Variants in DAB1 observed in about 807,000 individuals in gnomAD.
The protein encoded by DAB1 is DAB adaptor protein 1, also known as disabled homolog 1.
DAB1 carries 15 observed loss-of-function variants against 64.6 expected under a neutral mutation model. The ratio of observed to expected loss-of-function variants is 0.23; its 90% CI spans 0.16 to 0.36. DAB1 has a LOEUF of 0.36. DAB1 is among the 10% of genes least tolerant of loss of function. The pLI is 1.00. For missense variants in DAB1, 596 were observed against 706.7 expected, an observed-to-expected ratio of 0.84 and a Z score of 1.78; for synonymous variants, 235 against 251.9, an observed-to-expected ratio of 0.93 and a Z score of 0.64.
At position 57,035,708 on chromosome 1, in the gene DAB1, T is replaced by A. The variant is rs981305305; in HGVS notation, c.724-9665A>T. ...GGTAATGACATCATGGCAAGTTTAT[T>A]GAGCAGTTTAATTGAGATGTGTGTG... On this transcript the variant is annotated intron_variant, in intron 9 of 14. Transcript: ENST00000371236. 5.9e-5 allele frequency among the ~76,000 whole-genome samples: 9 copies of A among 152,146 alleles called. 1 individual carries two copies. The highest frequency in any genetic ancestry group is 5.9e-4 in the Admixed American group (9 of 15,272).
At chr1:57,350,184 A>G (rs904856248) in intron 1 of DAB1, among the ~76,000 whole-genome samples, 4 of 152,202 alleles carry the variant, frequency 2.6e-5, no homozygotes, top group Non-Finnish European at 5.9e-5. Context: ...AAGTCATTTC[A>G]TCTTCAAGTG....
intron 6 of DAB1, among the ~76,000 whole-genome samples, chr1:57,793,373 C>A (rs943442865): frequency 2.6e-5 from 4 of 152,136 alleles, no homozygotes; most frequent in African/African-American, 9.7e-5. Flanking sequence ...CATTGTGTTT[C>A]TCAGAGGAAG....
chr1:57,102,073 C>A (rs534878964), intron 4 of DAB1, among the ~76,000 whole-genome samples: 6 of 152,132 alleles, frequency 3.9e-5, no homozygotes, highest in Admixed American at 3.9e-4. Context: ...TGCAATCTAG[C>A]GAGGCAACAG....
intron 7 of DAB1, among the ~76,000 whole-genome samples, chr1:57,475,661 T>C (rs1393292230): frequency 6.6e-6 from 1 of 152,190 alleles, no homozygotes; most frequent in African/African-American, 2.4e-5. Flanking sequence ...TTATGGGTCC[T>C]TAGTGGCAGA....
At chr1:56,999,328 C>G (rs952102710) in intron 14 of DAB1, among the ~76,000 whole-genome samples, 1 of 152,156 alleles carries the variant, frequency 6.6e-6, no homozygotes, top group Non-Finnish European at 1.5e-5. Context: ...GCTAGTAAGT[C>G]TAGAGACATG....
intron 4 of DAB1, among the ~76,000 whole-genome samples, chr1:57,097,190 T>A (rs1209671208): frequency 6.6e-6 from 1 of 152,190 alleles, no homozygotes; most frequent in Non-Finnish European, 1.5e-5. Flanking sequence ...GTTGCAGAAA[T>A]TAAAATTTAT....
chr1:58,382,010 G>C (rs571211327), intron 3 of DAB1, among the ~76,000 whole-genome samples: 2 of 152,294 alleles, frequency 1.3e-5, no homozygotes, highest in South Asian at 4.1e-4. Flanking sequence ...CTAAAGAAAG[G>C]TCTAATAACT....
At chr1:57,856,991 T>C (rs1653785056) in intron 1 of DAB1, among the ~76,000 whole-genome samples, 1 of 152,116 alleles carries the variant, frequency 6.6e-6, no homozygotes, top group African/African-American at 2.4e-5. Flanking sequence ...TCATGACCTG[T>C]GCAGATATCT....
chr1:57,311,921 G>A lies in DAB1; in HGVS notation c.-136-20755C>T, dbSNP rs746926803. ...GTCAGTCTTCTACTTAATCCCTGGC[G>A]CTAAACGTTATGGTTTCTTAACCTC... On this transcript the variant is annotated intron_variant, in intron 1 of 14. Coordinates refer to ENST00000371236, the MANE Select transcript of DAB1 (RefSeq NM_001365792.1). Among the ~76,000 whole-genome samples the A allele has an allele frequency of 7.2e-5, 11 of 152,094 alleles. No homozygotes were observed. In the South Asian group the frequency reaches 8.3e-4, roughly 11 times the overall value.
At chr1:58,480,732 A>G in intron 3 of DAB1, 1 of 348,454 alleles carries the variant, frequency 2.9e-6, no homozygotes, top group Non-Finnish European at 5.1e-6. Context: ...AATGTGTAAT[A>G]TAAATTTATT....
intron 2 of DAB1, among the ~76,000 whole-genome samples, chr1:57,252,874 A>G (rs1669457864): frequency 6.6e-6 from 1 of 152,242 alleles, no homozygotes; most frequent in Non-Finnish European, 1.5e-5. Flanking sequence ...AACCTGAAAG[A>G]TTACAAAGCA....
chr1:57,909,894 G>C (rs1378345203), intron 5 of DAB1, among the ~76,000 whole-genome samples: 1 of 152,146 alleles, frequency 6.6e-6, no homozygotes, highest in African/African-American at 2.4e-5. Context: ...TTCATGTTAA[G>C]CCGGACAGTG....
At chr1:57,745,521 C>T (rs1648221063) in intron 6 of DAB1, among the ~76,000 whole-genome samples, 1 of 152,110 alleles carries the variant, frequency 6.6e-6, no homozygotes, top group African/African-American at 2.4e-5. Context: ...ATACTACAGC[C>T]ATTCCAGGGA....
At chr1:57,086,861 C>T (rs1653140994) in intron 4 of DAB1, among the ~76,000 whole-genome samples, 1 of 152,156 alleles carries the variant, frequency 6.6e-6, no homozygotes, top group Non-Finnish European at 1.5e-5. Context: ...GATGAGTGAG[C>T]ACGTGTGTCA....
intron 4 of DAB1, among the ~76,000 whole-genome samples, chr1:58,165,306 G>A (rs548796088): frequency 3.3e-5 from 5 of 152,216 alleles, no homozygotes; most frequent in Non-Finnish European, 7.3e-5. Context: ...CCGGAGGGAT[G>A]TGAGAGTGTG....
chr1:57,469,546 T>C (rs1447011804), intron 7 of DAB1, among the ~76,000 whole-genome samples: 1 of 152,190 alleles, frequency 6.6e-6, no homozygotes, highest in East Asian at 1.9e-4. Context: ...GCTTGCACTC[T>C]CCTTGTTTCT....
At chr1:57,417,496 A>C (rs1163310896) in intron 1 of DAB1, among the ~76,000 whole-genome samples, 2 of 152,158 alleles carry the variant, frequency 1.3e-5, no homozygotes, top group Non-Finnish European at 2.9e-5. Context: ...TTCATAAGAC[A>C]CTGAGAGATG....
chr1:57,631,385 T>C (rs1645987453), intron 7 of DAB1, among the ~76,000 whole-genome samples: 1 of 152,236 alleles, frequency 6.6e-6, no homozygotes, highest in Admixed American at 6.5e-5. Context: ...TTGCAAATCA[T>C]TGATGTCACT....
intron 7 of DAB1, among the ~76,000 whole-genome samples, chr1:57,496,345 A>C (rs142403135): frequency 5.9e-5 from 9 of 152,130 alleles, no homozygotes; most frequent in Non-Finnish European, 1.2e-4. Context: ...ACAGGAGAGA[A>C]CTTGCAATAA....
Sources: gnomAD v4.1 joint callset for allele counts (sites outside exome capture counted in the v4.1 genomes callset) on GRCh38, gnomAD v4.1.1 for gene constraint, MANE v1.5 for transcripts, NCBI Gene and HGNC (gene_info 2026-07-23, HGNC 2026-07-21) for gene names.